Variants in COL5A2 observed in about 807,000 individuals in gnomAD.
The protein encoded by COL5A2 is collagen type V alpha 2 chain.
COL5A2 carries 23 observed loss-of-function variants against 208.2 expected under a neutral mutation model. The observed-to-expected ratio is 0.11, with a 90% CI of 0.08 to 0.16. COL5A2 has a LOEUF of 0.16. COL5A2 is among the 10% of genes least tolerant of loss of function. The pLI is 1.00. For missense variants in COL5A2, 1,590 were observed against 1,956.4 expected, an observed-to-expected ratio of 0.81 and a Z score of 3.53; for synonymous variants, 625 against 628.5, an observed-to-expected ratio of 0.99 and a Z score of 0.08.
the COL5A2 span, among the ~76,000 whole-genome samples, chr2:189,437,459 C>T: frequency 3.9e-5 from 6 of 152,318 alleles, no homozygotes; most frequent in East Asian, 9.6e-4. Context: ...TGTGCAACAA[C>T]ATTTCAAACC....
At position 189,212,391 on chromosome 2, in the gene COL5A2, A is replaced by G. The variant is rs939878300; in HGVS notation, c.-42+12757T>C. Among the ~76,000 whole-genome samples the G allele has an allele frequency of 2.0e-5, 3 of 152,208 alleles. No individual in the cohort carries two copies. In the East Asian group the frequency reaches 5.8e-4, roughly 29 times the overall value. On this transcript the variant is annotated intron_variant, in intron 1 of 10. Coordinates refer to the COL5A2 transcript ENST00000649966. ...GGTGGCTCATGCCTGTAATCACAGC[A>G]CTTTGGGAGGCAGAGGTGGGCTGAT...
At chr2:189,319,882 AC>A in the COL5A2 span, among the ~76,000 whole-genome samples, 1 of 152,090 alleles carries the variant, frequency 6.6e-6, no homozygotes, top group Non-Finnish European at 1.5e-5. Flanking sequence ...TGGGTCCCTG[AC>A]CCCCAGGTAG....
chr2:189,036,241 T>C (rs935891158), intron 52 of COL5A2, among the ~76,000 whole-genome samples: 3 of 152,128 alleles, frequency 2.0e-5, no homozygotes, highest in South Asian at 2.1e-4. Context: ...AAGATCCCCG[T>C]GAGGTAACCA....
the COL5A2 span, among the ~76,000 whole-genome samples, chr2:189,375,985 C>T: frequency 6.6e-6 from 1 of 152,156 alleles, no homozygotes; most frequent in African/African-American, 2.4e-5. Context: ...TTGCCCTTTT[C>T]TGTCTTTCTG....
At chr2:189,357,757 G>C in the COL5A2 span, among the ~76,000 whole-genome samples, 1 of 89,642 alleles carries the variant, frequency 1.1e-5, no homozygotes, top group Non-Finnish European at 2.4e-5. Context: ...GGTGCCACTC[G>C]GGTATGAAAA....
At chr2:189,242,370 C>T in the COL5A2 span, among the ~76,000 whole-genome samples, 1 of 152,084 alleles carries the variant, frequency 6.6e-6, no homozygotes, top group Admixed American at 6.6e-5. Context: ...GATATCAAAG[C>T]TTAGAGAGGG....
Position 189,033,455 on chromosome 2 carries a change from A to C in COL5A2, c.*615T>G, listed in dbSNP as rs548461888. 1 of 152,686 alleles carries C rather than the reference A, an allele frequency of 6.5e-6. No homozygotes were observed. The highest frequency in any genetic ancestry group is 6.5e-5 in the Admixed American group (1 of 15,288). 9.5% of individuals were successfully genotyped at this position (152,686 alleles called of 1,614,324 possible). A position where few individuals can be genotyped will look rare whatever the true frequency, so the allele number is the denominator to read the frequency against. ...GCCACTGAATATATACTATTTAAAA[A>C]TTCTATTTAAGACAGTGAGAAACGT... On this transcript the variant is annotated 3_prime_UTR_variant, in exon 54 of 54. Transcript: ENST00000374866.
intron 7 of COL5A2, among the ~76,000 whole-genome samples, chr2:189,091,401 T>C (rs1006929861): frequency 6.6e-6 from 1 of 152,178 alleles, no homozygotes; most frequent in Admixed American, 6.5e-5. Context: ...GCAAACTTCA[T>C]TGTTGTCTTA....
chr2:189,051,950 T>C (rs1685799083), intron 41 of COL5A2, among the ~76,000 whole-genome samples: 2 of 152,142 alleles, frequency 1.3e-5, no homozygotes, highest in Non-Finnish European at 2.9e-5. Flanking sequence ...TAATAAAACA[T>C]TGGGGCTAAA....
chr2:189,415,959 C>T, the COL5A2 span, among the ~76,000 whole-genome samples: 1 of 152,176 alleles, frequency 6.6e-6, no homozygotes, highest in Non-Finnish European at 1.5e-5. Context: ...TGCACCTGGC[C>T]AATGGAATAT....
chr2:189,121,481 T>C (rs57187765), intron 1 of COL5A2, among the ~76,000 whole-genome samples: 4,432 of 152,056 alleles, frequency 0.029, 76 homozygotes, highest in Admixed American at 0.045. Context: ...AACTGGTATG[T>C]CCATGGGAAG....
At chr2:189,410,897 CT>C in the COL5A2 span, among the ~76,000 whole-genome samples, 5 of 152,062 alleles carry the variant, frequency 3.3e-5, no homozygotes, top group Admixed American at 6.6e-5. Flanking sequence ...TGTCAAAGTA[CT>C]TTAAAATTAT....
At chr2:189,217,545 C>T (rs913539400) in intron 1 of COL5A2, among the ~76,000 whole-genome samples, 4 of 152,032 alleles carry the variant, frequency 2.6e-5, no homozygotes, top group African/African-American at 9.7e-5. Context: ...TACACACATA[C>T]ATTATGGCTA....
the COL5A2 span, among the ~76,000 whole-genome samples, chr2:189,239,509 C>G: frequency 6.6e-6 from 1 of 151,024 alleles, no homozygotes; most frequent in Non-Finnish European, 1.5e-5. Flanking sequence ...GAAAATGCAA[C>G]GTTTCTGGCT....
chr2:189,068,908 T>C, intron 18 of COL5A2, 24 bp from the exon 19 acceptor site: 2 of 1,505,020 alleles, frequency 1.3e-6, no homozygotes, highest in East Asian at 2.3e-5. Flanking sequence ...AAGGGAAATG[T>C]TAATTTAAGA....
the COL5A2 span, among the ~76,000 whole-genome samples, chr2:189,260,947 CA>C: frequency 6.6e-6 from 1 of 152,034 alleles, no homozygotes; most frequent in African/African-American, 2.4e-5. Flanking sequence ...TTTCCAGAAA[CA>C]AAAGTTCAGG....
At chr2:189,324,708 C>T in the COL5A2 span, among the ~76,000 whole-genome samples, 5 of 152,316 alleles carry the variant, frequency 3.3e-5, no homozygotes, top group Admixed American at 1.3e-4. Flanking sequence ...AACACTTTTA[C>T]ACTGTTAGTG....
chr2:189,091,076 C>T (rs1559099310), intron 7 of COL5A2, among the ~76,000 whole-genome samples: 1 of 152,092 alleles, frequency 6.6e-6, no homozygotes, highest in East Asian at 1.9e-4. Context: ...TAAGAACATT[C>T]TTAATTGATT....
chr2:189,038,268 G>T (rs751753711), intron 51 of COL5A2, among the ~76,000 whole-genome samples: 2 of 152,140 alleles, frequency 1.3e-5, no homozygotes, highest in African/African-American at 2.4e-5. Flanking sequence ...ACTTATAAAT[G>T]AGAACATATG....
Sources: gnomAD v4.1 joint callset for allele counts (sites outside exome capture counted in the v4.1 genomes callset) on GRCh38, gnomAD v4.1.1 for gene constraint, MANE v1.5 for transcripts, NCBI Gene and HGNC (gene_info 2026-07-23, HGNC 2026-07-21) for gene names.